The following MAN1C1 variants were observed in gnomAD, a reference collection of about 807,000 sequenced individuals.
MAN1C1 encodes the protein mannosidase alpha class 1C member 1.
MAN1C1 carries 49 observed loss-of-function variants against 71.5 expected under a neutral mutation model. The ratio of observed to expected loss-of-function variants is 0.69; its 90% CI spans 0.54 to 0.87. MAN1C1 has a LOEUF of 0.87. MAN1C1 is among the 40% of genes least tolerant of loss of function. The probability of loss-of-function intolerance (pLI) is 0.00; values close to 1 mark genes in which losing one functional copy is unlikely to be tolerated. For synonymous variants in MAN1C1, 352 were observed against 343.7 expected (o/e 1.02, Z -0.27); for missense variants, 743 against 835.0 (o/e 0.89, Z 1.36).
chr1:25,714,789 T>A (rs1433328131), intron 2 of MAN1C1, among the ~76,000 whole-genome samples: 2 of 152,072 alleles, frequency 1.3e-5, no homozygotes, highest in Non-Finnish European at 2.9e-5. Context: ...CTAAAGGAAG[T>A]GGAGTTAATG....
chr1:25,696,266 A>G (rs1299857595), intron 2 of MAN1C1, among the ~76,000 whole-genome samples: 2 of 152,200 alleles, frequency 1.3e-5, no homozygotes, highest in African/African-American at 4.8e-5. Context: ...GTGCATTCCC[A>G]GAATCTCAGA....
intron 2 of MAN1C1, among the ~76,000 whole-genome samples, chr1:25,691,973 G>A (rs1044306963): frequency 6.6e-6 from 1 of 152,226 alleles, no homozygotes; most frequent in African/African-American, 2.4e-5. Context: ...CTTGGCAGCA[G>A]GGGAAATTGT....
At chr1:25,624,986 C>T (rs1041052280) in intron 1 of MAN1C1, among the ~76,000 whole-genome samples, 8 of 147,966 alleles carry the variant, frequency 5.4e-5, no homozygotes, top group Non-Finnish European at 7.4e-5. Context: ...ATACATATAG[C>T]GAAATGCACA....
Position 25,753,926 on chromosome 1 carries a change from G to T in MAN1C1, c.929+348G>T, listed in dbSNP as rs1421208870. On this transcript the variant is annotated intron_variant, in intron 5 of 11. Coordinates refer to ENST00000374332, the MANE Select transcript of MAN1C1 (RefSeq NM_020379.4). This position sits in a 1 kb window ranked among gnomAD's most constrained non-coding sequence, Gnocchi z 4.9. ...GGGCAGTTCCTCTGGACATCCCACA[G>T]TGCTGTCTTGACTTGAGAGTCTTCC... is the stretch of plus-strand genomic sequence containing the variant. Among the ~76,000 whole-genome samples the T allele has an allele frequency of 6.6e-6, 1 of 152,156 alleles. No individual in the cohort carries two copies. The highest frequency in any genetic ancestry group is 1.5e-5 in the Non-Finnish European group (1 of 68,024).
chr1:25,698,875 G>C (rs2046400709), intron 2 of MAN1C1, among the ~76,000 whole-genome samples: 2 of 151,886 alleles, frequency 1.3e-5, no homozygotes, highest in Admixed American at 6.6e-5. Context: ...TTGAACCCTG[G>C]AGGCGGAAGT....
intron 9 of MAN1C1, 91 bp from the exon 10 acceptor site, chr1:25,780,848 CG>C (rs1246645946): frequency 7.2e-7 from 1 of 1,380,852 alleles, no homozygotes; most frequent in African/African-American, 1.4e-5. Flanking sequence ...TCACCCTGGC[CG>C]CGGGTTCAAG....
chr1:25,629,521 C>T (rs574905818), intron 1 of MAN1C1, among the ~76,000 whole-genome samples: 2 of 152,216 alleles, frequency 1.3e-5, no homozygotes, highest in South Asian at 2.1e-4. Flanking sequence ...CTGCAGCCTC[C>T]GCCTCCCAGG....
Position 25,758,784 on chromosome 1 carries a change from G to A in MAN1C1, c.1047+75G>A, listed in dbSNP as rs2047323475. 16 of 1,288,540 alleles carry A rather than the reference G, an allele frequency of 1.2e-5. 1 individual carries two copies. The highest frequency in any genetic ancestry group is 3.4e-5 in the Admixed American group (2 of 59,508). The allele number at this position is 1,288,540 out of a possible 1,614,324, so 79.8% of individuals were successfully genotyped here. A position where few individuals can be genotyped will look rare whatever the true frequency, so the allele number is the denominator to read the frequency against. On this transcript the variant is annotated intron_variant, in intron 6 of 11. Transcript: ENST00000374332. ...CGGCTGCCACAGGGTTTTCAGAGGC[G>A]AGTGGGTCCTCCCTCATGGATCAGC...
At chr1:25,744,761 A>C (rs1414111286) in intron 2 of MAN1C1, among the ~76,000 whole-genome samples, 3 of 152,236 alleles carry the variant, frequency 2.0e-5, no homozygotes, top group Admixed American at 2.0e-4. Flanking sequence ...GTGAGCAGTT[A>C]GGAAGCACTC....
rs1364634366 is a variant in MAN1C1, at chr1:25,778,013, T to C, written c.1258-92T>C. On this transcript the variant is annotated intron_variant, in intron 8 of 11. Transcript: ENST00000374332. The surrounding 1 kb of genome is among the most constrained non-coding windows in gnomAD (Gnocchi z 5.5). The stretch of plus-strand genomic sequence containing the variant: ...GGCTTGGCAGAGCTGCCCTTGCTAC[T>C]GTCTCCAAAATGTTCATTTTCCATC... 1 of 996,698 alleles carries C rather than the reference T, an allele frequency of 1.0e-6. No homozygotes were observed. The highest frequency in any genetic ancestry group is 1.5e-6 in the Non-Finnish European group (1 of 685,220). 61.7% of individuals were successfully genotyped at this position (996,698 alleles called of 1,614,324 possible).
At chr1:25,643,565 C>G (rs1472869878) in intron 1 of MAN1C1, among the ~76,000 whole-genome samples, 3 of 145,496 alleles carry the variant, frequency 2.1e-5, no homozygotes, top group African/African-American at 7.7e-5. Context: ...CCCACCACGC[C>G]TGGCCTTTTA....
chr1:25,733,842 C>T (rs2124307150), intron 2 of MAN1C1, among the ~76,000 whole-genome samples: 1 of 151,850 alleles, frequency 6.6e-6, no homozygotes, highest in East Asian at 1.9e-4. Flanking sequence ...CTCTGTCGCC[C>T]AGGCTGGAGT....
chr1:25,642,419 C>T (rs991705774), intron 1 of MAN1C1, among the ~76,000 whole-genome samples: 3 of 152,236 alleles, frequency 2.0e-5, no homozygotes, highest in Non-Finnish European at 2.9e-5. Flanking sequence ...AGGTGCTAGA[C>T]GTGACTTCAC....
intron 1 of MAN1C1, among the ~76,000 whole-genome samples, chr1:25,635,085 C>T (rs945717034): frequency 4.6e-5 from 7 of 152,148 alleles, no homozygotes; most frequent in Admixed American, 1.3e-4. Context: ...AGGCTGGCCT[C>T]GAACTCCTGG....
At chr1:25,773,802 A>G (rs543316927) in intron 8 of MAN1C1, among the ~76,000 whole-genome samples, 1 of 152,368 alleles carries the variant, frequency 6.6e-6, no homozygotes, top group East Asian at 1.9e-4. Flanking sequence ...TGATCTTCCC[A>G]GTGAAGAGCC....
At chr1:25,625,845 G>A (rs2045285851) in intron 1 of MAN1C1, among the ~76,000 whole-genome samples, 1 of 152,102 alleles carries the variant, frequency 6.6e-6, no homozygotes, top group Non-Finnish European at 1.5e-5. Context: ...TACAAAATAA[G>A]TGGAATAGTA....
chr1:25,669,392 T>G (rs961428592), intron 1 of MAN1C1, among the ~76,000 whole-genome samples: 1 of 152,146 alleles, frequency 6.6e-6, no homozygotes, highest in Non-Finnish European at 1.5e-5. Context: ...TACTTGCTTC[T>G]GGGAGTAGCA....
At chr1:25,758,745 G>A (rs752850444) in intron 6 of MAN1C1, 36 bp downstream of exon 6, 1 of 1,572,310 alleles carries the variant, frequency 6.4e-7, no homozygotes, top group Non-Finnish European at 8.8e-7. Flanking sequence ...CTGCGGAGCA[G>A]AGGGATGAGC....
At chr1:25,768,068 C>CGCATT (rs775626786) in intron 7 of MAN1C1, among the ~76,000 whole-genome samples, 30 of 37,464 alleles carry the variant, frequency 8.0e-4, no homozygotes, top group Non-Finnish European at 5.9e-4. Context: ...CTCACACACA[C>CGCATT]ACACACTCCC....
Sources: gnomAD v4.1 joint callset for allele counts (sites outside exome capture counted in the v4.1 genomes callset) on GRCh38, gnomAD v4.1.1 for gene constraint, Gnocchi (gnomAD v3.1) non-coding constraint, MANE v1.5 for transcripts, NCBI Gene and HGNC (gene_info 2026-07-23, HGNC 2026-07-21) for gene names.